The following ZNF791 variants were observed in gnomAD, a reference collection of about 807,000 sequenced individuals.
ZNF791 encodes the protein zinc finger protein 791.
In ZNF791, 4 loss-of-function variants were observed where a neutral mutation model predicts 11.5. The ratio of observed to expected loss-of-function variants is 0.35; its 90% CI spans 0.17 to 0.80. The LOEUF is 0.80. ZNF791 is among the 30% of genes least tolerant of loss of function. The pLI is 0.53. For synonymous variants in ZNF791, 212 were observed against 228.1 expected, an observed-to-expected ratio of 0.93 and a Z score of 0.64; for missense variants, 559 against 699.4, an observed-to-expected ratio of 0.80 and a Z score of 2.26.
rs780475446 is a variant in ZNF791, at chr19:12,627,949, C to T, written c.420C>T (p.Ala140=). 10 of 1,613,976 alleles carry T rather than the reference C, an allele frequency of 6.2e-6. No individual in the cohort carries two copies. The South Asian group carries it at 1.1e-4, about 18-fold the overall frequency. The change falls in exon 4 of 4, where the codon GCC becomes GCT. Residue 140 remains alanine (A), a synonymous_variant. Transcript: ENST00000343325. Reference sequence around the variant, plus strand: ...ATAAATGTAAGGAGTGTGAGAAAGCCTTTAGTTATCTCAAATCCTTTCAAA... The same window carrying T: ...ATAAATGTAAGGAGTGTGAGAAAGCTTTTAGTTATCTCAAATCCTTTCAAA... The part of the protein sequence containing the change: ...KPYKCKECEK[A]FSYLKSFQRH...
At chr19:12,612,409 C>T (rs1599318236) in intron 1 of ZNF791, 1 of 107,862 alleles carries the variant, frequency 9.3e-6, no homozygotes, top group East Asian at 2.0e-4. Flanking sequence ...TTGCTTCCTT[C>T]CTTTATTTAT....
At chr19:12,619,488 C>G (rs1272212015) in intron 1 of ZNF791, among the ~76,000 whole-genome samples, 1 of 127,694 alleles carries the variant, frequency 7.8e-6, no homozygotes, top group Admixed American at 9.5e-5. Flanking sequence ...CTCGATTTGT[C>G]TCCCAGGCTG....
chr19:12,629,362 G>T lies in ZNF791; in HGVS notation c.*102G>T. 1.1e-6 allele frequency: 1 copy of T among 892,620 alleles called. No individual in the cohort carries two copies. Among genetic ancestry groups the T allele is most frequent in the Non-Finnish European group, 1.6e-6 (1 of 627,744 alleles). The allele number at this position is 892,620 out of a possible 1,614,324, so 55.3% of individuals were successfully genotyped here. A position where few individuals can be genotyped will look rare whatever the true frequency, so the allele number is the denominator to read the frequency against. ...GAAGAGAGAAATCCTGTCAATGTAAGTAATATAGAAAGCGAGATACAAGAT... is the reference window on the plus strand; with the variant it reads ...GAAGAGAGAAATCCTGTCAATGTAATTAATATAGAAAGCGAGATACAAGAT... On this transcript the variant is annotated 3_prime_UTR_variant, in exon 4 of 4. Coordinates refer to ENST00000343325, the MANE Select transcript of ZNF791 (RefSeq NM_153358.3).
At chr19:12,611,853 T>C (rs1003109132) in intron 1 of ZNF791, among the ~76,000 whole-genome samples, 2 of 152,186 alleles carry the variant, frequency 1.3e-5, no homozygotes, top group Non-Finnish European at 2.9e-5. Context: ...ATTGGCACTG[T>C]CCCGCCTTGG....
chr19:12,614,928 G>T (rs368909708), intron 1 of ZNF791, among the ~76,000 whole-genome samples: 36 of 7,326 alleles, frequency 4.9e-3, no homozygotes, highest in Non-Finnish European at 0.014. Context: ...TTTTTTTTTT[G>T]ATACAGCGTC....
rs1599329738 is a variant in ZNF791, at chr19:12,630,175, T to G, written c.*915T>G. On this transcript the variant is annotated 3_prime_UTR_variant, in exon 4 of 4. Coordinates refer to ENST00000343325, the MANE Select transcript of ZNF791 (RefSeq NM_153358.3). ...TGTATCAAAAAAAAAAAAAAAAAAT[T>G]GGCTGGGCACAGTGGCTCATACCTG... 7.8e-6 allele frequency: 1 copy of G among 128,294 alleles called. No homozygotes were observed. Among genetic ancestry groups the G allele is most frequent in the East Asian group, 2.1e-4 (1 of 4,834 alleles). 7.9% of individuals were successfully genotyped at this position (128,294 alleles called of 1,614,324 possible).
Position 12,628,110 on chromosome 19 carries a change from G to C in ZNF791, c.581G>C (p.Gly194Ala), listed in dbSNP as rs201066105. The change falls in exon 4 of 4, where the codon GGA becomes GCA. Residue 194 changes from glycine (G) to alanine (A), a missense_variant. By Grantham distance (60) the Gly-to-Ala change is moderately conservative. Coordinates refer to ENST00000343325, the MANE Select transcript of ZNF791 (RefSeq NM_153358.3). ...GEKPYECKQC[G>A]KALSCSSSLR... ...AAACCCTATGAATGTAAGCAATGTG[G>C]AAAAGCTCTTAGTTGTTCCAGTTCG... 3 of 1,614,138 alleles carry C rather than the reference G, an allele frequency of 1.9e-6. No homozygotes were observed. The highest frequency in any genetic ancestry group is 2.5e-6 in the Non-Finnish European group (3 of 1,180,030).
At chr19:12,619,509 G>A (rs2023302316) in intron 1 of ZNF791, among the ~76,000 whole-genome samples, 1 of 145,716 alleles carries the variant, frequency 6.9e-6, no homozygotes, top group Non-Finnish European at 1.5e-5. Flanking sequence ...GAGTGCAGTG[G>A]CGCGATCTGG....
chr19:12,619,725 A>G (rs888165115), intron 1 of ZNF791, among the ~76,000 whole-genome samples: 12 of 151,828 alleles, frequency 7.9e-5, no homozygotes, highest in Non-Finnish European at 1.5e-4. Context: ...CTGGGATTAC[A>G]GGCGTGAGCC....
chr19:12,619,086 C>T (rs1451000482), intron 1 of ZNF791, among the ~76,000 whole-genome samples: 1 of 151,996 alleles, frequency 6.6e-6, no homozygotes, highest in Non-Finnish European at 1.5e-5. Flanking sequence ...CCTCGTGATC[C>T]ACCCACCTAG....
rs757124337 is a variant in ZNF791, at chr19:12,628,343, T to C, written c.814T>C (p.Tyr272His). The C allele has an allele frequency of 2.0e-5, 32 of 1,611,166 alleles. No homozygotes were observed. The Admixed American group carries it at 4.7e-4, about 24-fold the overall frequency. Residue 272 changes from tyrosine to histidine, a missense_variant, in exon 4 of 4, where the codon TAT becomes CAT. Tyr to His is a moderately conservative substitution (Grantham distance 83). Transcript: ENST00000343325. The stretch of plus-strand genomic sequence containing the variant: ...GATAACACACAACGGAGATAGACCT[T>C]ATAAATGCAAAGAATGTGGAAAGGC... Reference protein sequence around the residue: ...HMITHNGDRPYKCKECGKAFI... With the variant: ...HMITHNGDRPHKCKECGKAFI...
At chr19:12,625,690 C>G (rs193054698) in intron 3 of ZNF791, among the ~76,000 whole-genome samples, 3 of 147,186 alleles carry the variant, frequency 2.0e-5, no homozygotes, top group Non-Finnish European at 3.0e-5. Flanking sequence ...GAGGCTGAGG[C>G]AGGAGAATCA....
rs1220302265 is a variant in ZNF791 at position 12,628,352 on chromosome 19, A to G, written c.823A>G (p.Lys275Glu). Residue 275 changes from lysine to glutamate, a missense_variant, in exon 4 of 4, where the codon AAA becomes GAA. By Grantham distance (56) the Lys-to-Glu change is moderately conservative. Coordinates refer to ENST00000343325, the MANE Select transcript of ZNF791 (RefSeq NM_153358.3). ...THNGDRPYKCKECGKAFIFPS... is the reference protein window; with the variant it reads ...THNGDRPYKCEECGKAFIFPS... ...CAACGGAGATAGACCTTATAAATGC[A>G]AAGAATGTGGAAAGGCATTCATTTT... 1 of 1,610,764 alleles carries G rather than the reference A, an allele frequency of 6.2e-7. No individual in the cohort carries two copies. The highest frequency in any genetic ancestry group is 8.5e-7 in the Non-Finnish European group (1 of 1,178,358).
chr19:12,625,089 C>G (rs758777766), intron 3 of ZNF791, among the ~76,000 whole-genome samples: 1 of 151,740 alleles, frequency 6.6e-6, no homozygotes, highest in Non-Finnish European at 1.5e-5. Flanking sequence ...AAACAAGAAG[C>G]AAGCTTAGCT....
Position 12,619,444 on chromosome 19 carries a change from C to CTTT in ZNF791, c.4-4235_4-4233dup, listed in dbSNP as rs145492959. 7.7e-4 allele frequency among the ~76,000 whole-genome samples: 75 copies of CTTT among 97,482 alleles called. 2 individuals are homozygous for CTTT. The highest frequency in any genetic ancestry group is 2.7e-3 in the East Asian group (10 of 3,760). The allele number at this position is 97,482 out of a possible 152,430, so 64.0% of individuals were successfully genotyped here. Reference sequence around the variant, plus strand: ...CTGTAGTCATCAACACTAATGTTATCTTTTTTTTTTTTTTTTTTTTTTTGA... The same window carrying CTTT: ...CTGTAGTCATCAACACTAATGTTATCTTTTTTTTTTTTTTTTTTTTTTTTTTGA... On this transcript the variant is annotated intron_variant, in intron 1 of 3. Coordinates refer to ENST00000343325, the MANE Select transcript of ZNF791 (RefSeq NM_153358.3).
At position 12,632,424 on chromosome 19, in the gene ZNF791, G is replaced by T. The variant is rs946035123; in HGVS notation, c.*3164G>T. ...CTAGGATTTTTCCTACTGGCCTCATGTGGAAGGTGGTGCATATATTACCCA... is the reference window on the plus strand; with the variant it reads ...CTAGGATTTTTCCTACTGGCCTCATTTGGAAGGTGGTGCATATATTACCCA... On this transcript the variant is annotated 3_prime_UTR_variant, in exon 4 of 4. Coordinates refer to ENST00000343325, the MANE Select transcript of ZNF791 (RefSeq NM_153358.3). The T allele has an allele frequency of 6.6e-6, 1 of 152,072 alleles. No homozygotes were observed. Among genetic ancestry groups the T allele is most frequent in the Admixed American group, 6.6e-5 (1 of 15,238 alleles). 9.4% of individuals were successfully genotyped at this position (152,072 alleles called of 1,614,324 possible).
chr19:12,628,936 A>C lies in ZNF791; in HGVS notation c.1407A>C (p.Glu469Asp). 6.2e-7 allele frequency: 1 copy of C among 1,613,930 alleles called. No homozygotes were observed. The highest frequency in any genetic ancestry group is 8.5e-7 in the Non-Finnish European group (1 of 1,179,946). The change falls in exon 4 of 4, where the codon GAA (glutamate) becomes GAC (aspartate). Residue 469 changes from glutamate (E) to aspartate (D), a missense_variant. Physicochemically the swap from Glu to Asp is conservative, Grantham distance 45 (BLOSUM62 2). Coordinates refer to ENST00000343325, the MANE Select transcript of ZNF791 (RefSeq NM_153358.3). ...ERTHTGEKPYECKQCGKAFSC... is the reference protein window; with the variant it reads ...ERTHTGEKPYDCKQCGKAFSC... ...CTCACACTGGAGAGAAACCCTATGA[A>C]TGTAAACAATGTGGAAAAGCCTTTA...
intron 1 of ZNF791, among the ~76,000 whole-genome samples, chr19:12,615,360 C>T (rs550568740): frequency 2.6e-5 from 4 of 152,124 alleles, no homozygotes; most frequent in Non-Finnish European, 4.4e-5. Flanking sequence ...ATGTAATACA[C>T]GTGGAGTTAT....
At chr19:12,623,905 G>C (rs991675480) in intron 2 of ZNF791, 79 bp downstream of exon 2, 28 of 1,182,246 alleles carry the variant, frequency 2.4e-5, no homozygotes, top group Non-Finnish European at 3.1e-5. Flanking sequence ...GTCCAGGCTG[G>C]AGAGCAATGG....
Sources: gnomAD v4.1 joint callset for allele counts (sites outside exome capture counted in the v4.1 genomes callset) on GRCh38, gnomAD v4.1.1 for gene constraint, MANE v1.5 for transcripts, NCBI Gene and HGNC (gene_info 2026-07-23, HGNC 2026-07-21) for gene names.